Variants in OSBPL9 observed in about 807,000 individuals in gnomAD.
OSBPL9 encodes oxysterol-binding protein-related protein 9.
In OSBPL9, 40 loss-of-function variants were observed where a neutral mutation model predicts 106.6. The ratio of observed to expected loss-of-function variants is 0.38; its 90% CI spans 0.29 to 0.49. The LOEUF (loss-of-function observed/expected upper bound fraction) is 0.49. Ranked by LOEUF, OSBPL9 falls within the 20% of genes least tolerant of loss-of-function variation. The pLI is 0.97. For synonymous variants in OSBPL9, 269 were observed against 295.4 expected, an observed-to-expected ratio of 0.91 and a Z score of 0.92; for missense variants, 609 against 887.2, an observed-to-expected ratio of 0.69 and a Z score of 3.98.
intron 8 of OSBPL9, 30 bp downstream of exon 8, chr1:51,750,225 G>C (rs1328515663): frequency 6.5e-7 from 1 of 1,531,410 alleles, no homozygotes; most frequent in Non-Finnish European, 8.9e-7. Flanking sequence ...AATTACCTTT[G>C]TGTATGGAGT....
At chr1:51,743,444 A>G (rs1448080275) in intron 4 of OSBPL9, among the ~76,000 whole-genome samples, 1 of 152,234 alleles carries the variant, frequency 6.6e-6, no homozygotes, top group Non-Finnish European at 1.5e-5. Flanking sequence ...ATCTGTTTCC[A>G]TTCAGTCACT....
chr1:51,719,606 G>A (rs1661695097), intron 4 of OSBPL9, among the ~76,000 whole-genome samples: 1 of 152,112 alleles, frequency 6.6e-6, no homozygotes, highest in Admixed American at 6.5e-5. Flanking sequence ...TTGTCTGGAT[G>A]TCATACAGGT....
chr1:51,591,819 A>C (rs891597204), intron 1 of OSBPL9, among the ~76,000 whole-genome samples: 1 of 152,124 alleles, frequency 6.6e-6, no homozygotes, highest in African/African-American at 2.4e-5. Flanking sequence ...GAAAAAAAAG[A>C]GAAATATTGG....
At chr1:51,521,099 G>A in the OSBPL9 span, among the ~76,000 whole-genome samples, 755 of 152,282 alleles carry the variant, frequency 5.0e-3, 52 homozygotes, top group East Asian at 0.13. Context: ...CAGAGGCTAA[G>A]TGATTTGCCC....
intron 2 of OSBPL9, among the ~76,000 whole-genome samples, chr1:51,656,557 C>A (rs1002298743): frequency 6.6e-6 from 1 of 152,092 alleles, no homozygotes; most frequent in Non-Finnish European, 1.5e-5. Context: ...GTTACCTCAT[C>A]TGTGAAGCCT....
the OSBPL9 span, among the ~76,000 whole-genome samples, chr1:51,539,931 C>A: frequency 6.6e-6 from 1 of 152,190 alleles, no homozygotes; most frequent in Non-Finnish European, 1.5e-5. Context: ...TATCTCCAAA[C>A]TCATCTCATG....
At chr1:51,626,088 C>T (rs1644747455) in intron 1 of OSBPL9, among the ~76,000 whole-genome samples, 1 of 152,130 alleles carries the variant, frequency 6.6e-6, no homozygotes, top group Non-Finnish European at 1.5e-5. Flanking sequence ...GGTGAAAATA[C>T]ACTGGATAAA....
chr1:51,548,568 T>A, the OSBPL9 span, among the ~76,000 whole-genome samples: 7 of 151,844 alleles, frequency 4.6e-5, no homozygotes, highest in African/African-American at 1.7e-4. Context: ...TTTTAATTTT[T>A]TCGTGGGGAT....
intron 1 of OSBPL9, among the ~76,000 whole-genome samples, chr1:51,590,744 G>A (rs867215570): frequency 6.6e-6 from 1 of 151,812 alleles, no homozygotes; most frequent in Non-Finnish European, 1.5e-5. Context: ...AAGAATCAAA[G>A]ATGATTCTTA....
intron 1 of OSBPL9, among the ~76,000 whole-genome samples, chr1:51,635,626 A>G (rs1645383071): frequency 1.3e-5 from 2 of 152,182 alleles, no homozygotes. Context: ...TTTAGTTTTT[A>G]ATATTTAACT....
chr1:51,745,279 T>C (rs769875998), intron 4 of OSBPL9: 20 of 378,194 alleles, frequency 5.3e-5, no homozygotes, highest in Non-Finnish European at 6.5e-5. Flanking sequence ...AAAGTGATTC[T>C]GGAGAGAAGA....
the OSBPL9 span, among the ~76,000 whole-genome samples, chr1:51,541,819 G>A: frequency 4.4e-4 from 67 of 152,282 alleles, no homozygotes; most frequent in African/African-American, 1.5e-3. Context: ...GGTTATGGTC[G>A]AGTCCAGTTT....
At chr1:51,551,312 T>C in the OSBPL9 span, among the ~76,000 whole-genome samples, 1 of 152,160 alleles carries the variant, frequency 6.6e-6, no homozygotes, top group Non-Finnish European at 1.5e-5. Context: ...TCCCTGTCAT[T>C]TCCTGGCTCT....
In OSBPL9 at chr1:51,786,537, C is replaced by A. The variant is rs750648343; in HGVS notation, c.1920C>A (p.Val640=). 1.6e-5 allele frequency: 26 copies of A among 1,605,370 alleles called. No individual in the cohort carries two copies. Among genetic ancestry groups the A allele is most frequent in the Non-Finnish European group, 2.0e-5 (24 of 1,172,534 alleles). ...YAKYATGENT[V]FVDTKKLPII... ...CTATTGTTTTCTAGGAAAATACAGT[C>A]TTTGTAGATACCAAGAAGTTGCCTA... is the stretch of plus-strand genomic sequence containing the variant. The change falls in exon 22 of 24, where the codon GTC becomes GTA. Residue 640 remains valine, a synonymous_variant. Transcript: ENST00000428468.
chr1:51,627,409 A>G (rs1644831529), intron 1 of OSBPL9, among the ~76,000 whole-genome samples: 1 of 151,926 alleles, frequency 6.6e-6, no homozygotes, highest in African/African-American at 2.4e-5. Flanking sequence ...TTCTCCATTG[A>G]ATTGTTTTGG....
chr1:51,590,344 G>A (rs1645268173), intron 1 of OSBPL9, among the ~76,000 whole-genome samples: 1 of 151,926 alleles, frequency 6.6e-6, no homozygotes, highest in Non-Finnish European at 1.5e-5. Flanking sequence ...CACGTGGCCG[G>A]GCGCGGTGGC....
At chr1:51,687,521 G>A (rs1654062274) in intron 3 of OSBPL9, among the ~76,000 whole-genome samples, 2 of 152,206 alleles carry the variant, frequency 1.3e-5, no homozygotes, top group Non-Finnish European at 2.9e-5. Flanking sequence ...GTTTGATGTG[G>A]GTTTTGAAGG....
At chr1:51,757,041 T>C (rs1439519930) in intron 9 of OSBPL9, 1 of 152,216 alleles carries the variant, frequency 6.6e-6, no homozygotes, top group Non-Finnish European at 1.5e-5. Flanking sequence ...CTGAGTGACC[T>C]TAGTCTGTAT....
chr1:51,527,938 C>T, the OSBPL9 span, among the ~76,000 whole-genome samples: 15 of 142,854 alleles, frequency 1.1e-4, no homozygotes, highest in South Asian at 2.3e-3. Flanking sequence ...CATGGCAAAA[C>T]CCCATCTCTA....
Sources: gnomAD v4.1 joint callset for allele counts (sites outside exome capture counted in the v4.1 genomes callset) on GRCh38, gnomAD v4.1.1 for gene constraint, MANE v1.5 for transcripts, NCBI Gene and HGNC (gene_info 2026-07-23, HGNC 2026-07-21) for gene names.